The following SRRM3 variants were observed in gnomAD, a reference collection of about 807,000 sequenced individuals.
SRRM3 encodes the protein serine/arginine repetitive matrix protein 3.
In SRRM3, 27 loss-of-function variants were observed where a neutral mutation model predicts 66.2. That is an observed-to-expected ratio of 0.41 (90% confidence interval 0.30 to 0.56). The LOEUF is 0.56. SRRM3 is among the 20% of genes least tolerant of loss of function. SRRM3 has a pLI of 0.32. For synonymous variants in SRRM3, 391 were observed against 414.9 expected, an observed-to-expected ratio of 0.94 and a Z score of 0.70; for missense variants, 918 against 991.9, an observed-to-expected ratio of 0.93 and a Z score of 1.00.
intron 2 of SRRM3, among the ~76,000 whole-genome samples, chr7:76,237,562 G>A (rs1345398838): frequency 6.6e-6 from 1 of 152,290 alleles, no homozygotes; most frequent in East Asian, 1.9e-4. Flanking sequence ...GCAACGGAGG[G>A]AGACTCCATC....
intron 11 of SRRM3, among the ~76,000 whole-genome samples, chr7:76,270,951 G>C (rs1186474429): frequency 2.7e-5 from 4 of 150,924 alleles, no homozygotes; most frequent in Admixed American, 6.6e-5. Flanking sequence ...CTCCAGCCTG[G>C]ATGACAAGAG....
At chr7:76,284,324 A>G (rs13236526) in intron 14 of SRRM3, among the ~76,000 whole-genome samples, 107,386 of 151,766 alleles carry the variant, frequency 0.71, 38,458 homozygotes, top group African/African-American at 0.77. Flanking sequence ...ACAGGCACCC[A>G]CCACCACGCC....
chr7:76,276,473 A>G (rs1025010693), intron 11 of SRRM3, among the ~76,000 whole-genome samples: 2 of 152,112 alleles, frequency 1.3e-5, no homozygotes, highest in African/African-American at 4.8e-5. Context: ...GTTCTATGGG[A>G]TCATAGAGGA....
At chr7:76,216,823 G>A (rs1358802920) in intron 1 of SRRM3, among the ~76,000 whole-genome samples, 2 of 152,184 alleles carry the variant, frequency 1.3e-5, no homozygotes, top group African/African-American at 4.8e-5. Flanking sequence ...AGAGACTGGA[G>A]GCTGTTGCCT....
At chr7:76,224,361 T>C (rs1261067193) in intron 1 of SRRM3, among the ~76,000 whole-genome samples, 1 of 151,472 alleles carries the variant, frequency 6.6e-6, no homozygotes, top group Non-Finnish European at 1.5e-5. Context: ...ATTACAGGCA[T>C]GAGCCACCGC....
At chr7:76,280,227 A>G (rs1463404597) in intron 11 of SRRM3, among the ~76,000 whole-genome samples, 2 of 152,166 alleles carry the variant, frequency 1.3e-5, no homozygotes, top group African/African-American at 4.8e-5. Flanking sequence ...AAAAATATTA[A>G]CAGAAAAATG....
chr7:76,226,184 T>A (rs1433578973), intron 1 of SRRM3, among the ~76,000 whole-genome samples: 4 of 152,236 alleles, frequency 2.6e-5, no homozygotes, highest in African/African-American at 9.6e-5. Flanking sequence ...ATGAGCTGTT[T>A]CACCTTCAAT....
chr7:76,211,236 T>C (rs1455755449), intron 1 of SRRM3, among the ~76,000 whole-genome samples: 1 of 152,156 alleles, frequency 6.6e-6, no homozygotes, highest in Non-Finnish European at 1.5e-5. Flanking sequence ...GCCTCACAGA[T>C]GGAGCTCGTA....
chr7:76,281,110 CTT>C (rs1359213728), intron 11 of SRRM3, among the ~76,000 whole-genome samples: 1 of 150,508 alleles, frequency 6.6e-6, no homozygotes, highest in Non-Finnish European at 1.5e-5. Flanking sequence ...CTCTCCTGCT[CTT>C]TTTCTCTCTT....
intron 3 of SRRM3, among the ~76,000 whole-genome samples, chr7:76,253,012 T>C (rs1415255730): frequency 2.8e-5 from 4 of 144,112 alleles, no homozygotes; most frequent in African/African-American, 1.0e-4. Context: ...AAAAATACAA[T>C]AGTTAGCCGG....
Position 76,251,929 on chromosome 7 carries a change from G to A in SRRM3, c.335+3640G>A, listed in dbSNP as rs947517822. ...AAATACAAAAAATTAGCTGAGCATG[G>A]TGGCACACGCCTGCAATCCCAGCTA... On this transcript the variant is annotated intron_variant, in intron 3 of 14. Transcript: ENST00000611745. Among the ~76,000 whole-genome samples, 17 of 152,048 alleles carry A rather than the reference G, an allele frequency of 1.1e-4. 1 individual carries two copies. The East Asian group carries it at 2.1e-3, about 19-fold the overall frequency.
chr7:76,216,144 G>T (rs1453342506), intron 1 of SRRM3, among the ~76,000 whole-genome samples: 1 of 150,090 alleles, frequency 6.7e-6, no homozygotes, highest in East Asian at 2.0e-4. Context: ...AGTAGAGATG[G>T]GGATTCACCA....
In SRRM3 at chr7:76,235,711, C is replaced by T. The variant is rs1372305228; in HGVS notation, c.233+412C>T. ...TGAAACCCCGTCTCTATGAAAAATA[C>T]AAAAAAAAATTTAGCTGGGCGCGGT... On this transcript the variant is annotated intron_variant, in intron 2 of 14. Coordinates refer to ENST00000611745, the MANE Select transcript of SRRM3 (RefSeq NM_001110199.3). 2.0e-5 allele frequency among the ~76,000 whole-genome samples: 3 copies of T among 150,730 alleles called. No individual in the cohort carries two copies. In the South Asian group the frequency reaches 6.3e-4, roughly 32 times the overall value.
intron 1 of SRRM3, among the ~76,000 whole-genome samples, chr7:76,214,151 C>T (rs1800501774): frequency 6.6e-6 from 1 of 152,098 alleles, no homozygotes; most frequent in South Asian, 2.1e-4. Flanking sequence ...CTGTGGTTCA[C>T]CCTGTCCCAC....
chr7:76,269,570 G>A (rs1390887996), intron 11 of SRRM3: 1 of 151,616 alleles, frequency 6.6e-6, no homozygotes, highest in Non-Finnish European at 1.5e-5. Flanking sequence ...AAGAGAGAGA[G>A]AAACAAATGG....
intron 1 of SRRM3, among the ~76,000 whole-genome samples, chr7:76,212,919 A>G (rs186702096): frequency 6.7e-6 from 1 of 149,974 alleles, no homozygotes; most frequent in African/African-American, 2.5e-5. Flanking sequence ...CTGCTCAGAC[A>G]TCTTCTGCGT....
Position 76,260,213 on chromosome 7 carries a change from G to T in SRRM3, c.545+16G>T. 6.6e-7 allele frequency: 1 copy of T among 1,522,686 alleles called. No individual in the cohort carries two copies. The highest frequency in any genetic ancestry group is 1.2e-5 in the South Asian group (1 of 81,790). 94.3% of individuals were successfully genotyped at this position (1,522,686 alleles called of 1,614,324 possible). ...GGAGAAGCCGGTGAGAACCGCGCCT[G>T]ACCGGAGCGGGAAGGGAGGAGGAGG... On this transcript the variant is annotated intron_variant, in intron 5 of 14. Transcript: ENST00000611745.
chr7:76,277,284 C>T (rs570203272), intron 11 of SRRM3, among the ~76,000 whole-genome samples: 1 of 152,266 alleles, frequency 6.6e-6, no homozygotes, highest in South Asian at 2.1e-4. Flanking sequence ...CACTCCCATC[C>T]CACTCTCAGC....
intron 1 of SRRM3, among the ~76,000 whole-genome samples, chr7:76,216,265 T>C (rs1489512229): frequency 1.3e-5 from 2 of 151,568 alleles, no homozygotes; most frequent in African/African-American, 4.9e-5. Context: ...CATGCTGGTC[T>C]TGAACTCCTG....
Sources: gnomAD v4.1 joint callset for allele counts (sites outside exome capture counted in the v4.1 genomes callset) on GRCh38, gnomAD v4.1.1 for gene constraint, MANE v1.5 for transcripts, NCBI Gene and HGNC (gene_info 2026-07-23, HGNC 2026-07-21) for gene names.